The following EPS15 variants were observed in gnomAD, a reference collection of about 807,000 sequenced individuals.
EPS15 encodes epidermal growth factor receptor substrate 15.
A neutral mutation model predicts 113.8 loss-of-function variants in EPS15; 72 were observed. That is an observed-to-expected ratio of 0.63 (90% CI 0.52 to 0.77). The LOEUF (loss-of-function observed/expected upper bound fraction) is 0.77, where lower values mean the gene tolerates loss of function less well. Ranked by LOEUF, EPS15 falls within the 30% of genes least tolerant of loss-of-function variation. The pLI is 0.00. For missense variants in EPS15, 1,048 were observed against 1,045.8 expected (o/e 1.00, Z -0.03); for synonymous variants, 344 against 363.4 (o/e 0.95, Z 0.61).
intron 12 of EPS15, chr1:51,423,106 A>G: frequency 2.4e-6 from 2 of 818,030 alleles, no homozygotes; most frequent in Non-Finnish European, 3.3e-6. Context: ...TTGGATACGT[A>G]GGCACAATGT....
At chr1:51,513,257 T>C (rs1256280076) in intron 1 of EPS15, among the ~76,000 whole-genome samples, 1 of 152,214 alleles carries the variant, frequency 6.6e-6, no homozygotes, top group African/African-American at 2.4e-5. Context: ...GCAGCATAGT[T>C]GTAACAAAAG....
intron 12 of EPS15, among the ~76,000 whole-genome samples, chr1:51,425,059 T>A (rs1324615130): frequency 2.0e-5 from 3 of 152,162 alleles, no homozygotes; most frequent in African/African-American, 7.2e-5. Flanking sequence ...TTTTAGACTA[T>A]CTTTCAGGTT....
chr1:51,375,915 CACAA>C (rs1557777887), intron 21 of EPS15, among the ~76,000 whole-genome samples: 1 of 152,178 alleles, frequency 6.6e-6, no homozygotes, highest in Non-Finnish European at 1.5e-5. Context: ...TTCTTCATTT[CACAA>C]ACAAAAGGAT....
chr1:51,446,839 T>C (rs1653097373), intron 10 of EPS15, 121 bp downstream of exon 10: 1 of 773,968 alleles, frequency 1.3e-6, no homozygotes. Context: ...ATTCTGATTT[T>C]CTCTATAAAA....
intron 11 of EPS15, 24 bp from the exon 12 acceptor site, chr1:51,440,456 A>T (rs539877147): frequency 8.5e-7 from 1 of 1,182,130 alleles, no homozygotes; most frequent in South Asian, 1.4e-5. Context: ...GTTCACAATT[A>T]TACATTACTA....
chr1:51,518,830 G>T (rs1328003133), intron 1 of EPS15, among the ~76,000 whole-genome samples: 1 of 151,958 alleles, frequency 6.6e-6, no homozygotes, highest in South Asian at 2.1e-4. Flanking sequence ...CCTGGGATGC[G>T]TGCGGCCCTG....
intron 8 of EPS15, among the ~76,000 whole-genome samples, chr1:51,451,902 C>CTTTTTTTTTT (rs945312930): frequency 0.02 from 2,948 of 150,560 alleles, 28 homozygotes; most frequent in Middle Eastern, 0.034. Flanking sequence ...ATTTTTATTT[C>CTTTTTTTTTT]TTTTTTTTTG....
chr1:51,504,871 A>C (rs1644471260), intron 1 of EPS15, among the ~76,000 whole-genome samples: 1 of 152,180 alleles, frequency 6.6e-6, no homozygotes. Context: ...CTATAATCCC[A>C]GTGCTTTGGG....
chr1:51,358,719 T>TG (rs1344067419), intron 24 of EPS15, among the ~76,000 whole-genome samples: 2 of 149,812 alleles, frequency 1.3e-5, no homozygotes, highest in Admixed American at 6.6e-5. Context: ...GTTTTTTTTT[T>TG]TTTTTTTGAG....
At chr1:51,358,637 T>G (rs1646297891) in intron 24 of EPS15, among the ~76,000 whole-genome samples, 1 of 152,072 alleles carries the variant, frequency 6.6e-6, no homozygotes, top group Middle Eastern at 3.2e-3. Context: ...TTTATTATAC[T>G]ATATTGAGAT....
chr1:51,450,878 A>G (rs1653491904), intron 8 of EPS15, among the ~76,000 whole-genome samples: 1 of 152,020 alleles, frequency 6.6e-6, no homozygotes, highest in Non-Finnish European at 1.5e-5. Context: ...TAAAAATGGT[A>G]TATCCATATA....
At chr1:51,362,694 G>C (rs1467727703) in intron 23 of EPS15, among the ~76,000 whole-genome samples, 1 of 151,524 alleles carries the variant, frequency 6.6e-6, no homozygotes. Context: ...AATTCTTTCA[G>C]TCAAAGAAAA....
intron 15 of EPS15, among the ~76,000 whole-genome samples, chr1:51,406,954 G>A (rs998674948): frequency 3.3e-5 from 5 of 152,158 alleles, no homozygotes; most frequent in Admixed American, 2.6e-4. Context: ...CTTGCATGAC[G>A]AATGAGTAGG....
chr1:51,440,395 G>A lies in EPS15; in HGVS notation c.992C>T (p.Ala331Val). Reference protein sequence around the residue: ...IGSSPVADFSAIKELDTLNNE... With the variant: ...IGSSPVADFSVIKELDTLNNE... ...GTTAAGAGTATCTAGTTCCTTAATA[G>A]CAGAGAAATCTGCAACAGGACTTGA... Residue 331 changes from alanine (A) to valine (V), a missense_variant, in exon 12 of 25, where the codon GCT (alanine) becomes GTT (valine). Ala to Val is a moderately conservative substitution (Grantham distance 64, BLOSUM62 0). Coordinates refer to ENST00000371733, the MANE Select transcript of EPS15 (RefSeq NM_001981.3). 1.3e-6 allele frequency: 2 copies of A among 1,587,158 alleles called. No homozygotes were observed. The highest frequency in any genetic ancestry group is 1.7e-6 in the Non-Finnish European group (2 of 1,162,602).
At chr1:51,357,426 A>ATATATATATATATATATTTT (rs1443627608) in intron 24 of EPS15, among the ~76,000 whole-genome samples, 1 of 53,526 alleles carries the variant, frequency 1.9e-5, no homozygotes, top group Admixed American at 3.5e-4. Flanking sequence ...ATATATATAT[A>ATATATATATATATATATTTT]TTTTTTTTTT....
At chr1:51,470,671 T>C (rs1402335702) in intron 4 of EPS15, among the ~76,000 whole-genome samples, 1 of 127,594 alleles carries the variant, frequency 7.8e-6, no homozygotes, top group Admixed American at 8.0e-5. Flanking sequence ...AAAAAAAAAA[T>C]CTATGCTTCC....
chr1:51,406,709 A>C (rs1271488495), intron 15 of EPS15, among the ~76,000 whole-genome samples: 2 of 152,020 alleles, frequency 1.3e-5, no homozygotes, highest in Non-Finnish European at 2.9e-5. Context: ...CACTACAACA[A>C]CTCTTTCAGG....
chr1:51,493,714 G>A (rs1644282018), intron 1 of EPS15, among the ~76,000 whole-genome samples: 1 of 151,110 alleles, frequency 6.6e-6, no homozygotes, highest in South Asian at 2.1e-4. Context: ...CGCCTTCTGG[G>A]TTCAAGCGAT....
chr1:51,417,162 A>G (rs1034559652), intron 13 of EPS15, among the ~76,000 whole-genome samples: 1 of 152,172 alleles, frequency 6.6e-6, no homozygotes, highest in Non-Finnish European at 1.5e-5. Context: ...TCTATCTAAG[A>G]TAAGTCATCC....
Sources: gnomAD v4.1 joint callset for allele counts (sites outside exome capture counted in the v4.1 genomes callset) on GRCh38, gnomAD v4.1.1 for gene constraint, MANE v1.5 for transcripts, NCBI Gene and HGNC (gene_info 2026-07-23, HGNC 2026-07-21) for gene names.